Variants in AP3B1 observed in about 807,000 individuals in gnomAD.
AP3B1 encodes adaptor related protein complex 3 subunit beta 1, also known as AP-3 complex subunit beta-1.
Under a neutral mutation model 132.5 loss-of-function variants are expected in AP3B1, and 61 were observed. The ratio of observed to expected loss-of-function variants is 0.46; its 90% CI spans 0.37 to 0.57. The LOEUF (loss-of-function observed/expected upper bound fraction) is 0.57, where lower values mean the gene tolerates loss of function less well. Ranked by LOEUF, AP3B1 falls within the 20% of genes least tolerant of loss-of-function variation. The pLI, the probability that AP3B1 is intolerant of heterozygous loss-of-function variation, is 0.00. For synonymous variants in AP3B1, 388 were observed against 438.3 expected (o/e 0.89, Z 1.43); for missense variants, 1,120 against 1,289.4 (o/e 0.87, Z 2.01).
intron 6 of AP3B1, among the ~76,000 whole-genome samples, chr5:78,221,097 A>G (rs1197321064): frequency 6.6e-6 from 1 of 152,110 alleles, no homozygotes; most frequent in African/African-American, 2.4e-5. Context: ...CTGCTACAAA[A>G]CATATCTCGA....
At chr5:78,028,646 G>A (rs1292361047) in intron 24 of AP3B1, among the ~76,000 whole-genome samples, 1 of 151,962 alleles carries the variant, frequency 6.6e-6, no homozygotes, top group African/African-American at 2.4e-5. Context: ...TAACCTGTAC[G>A]GGCCAGAAGT....
chr5:78,080,925 G>A (rs1749973555), intron 22 of AP3B1, among the ~76,000 whole-genome samples: 1 of 152,154 alleles, frequency 6.6e-6, no homozygotes, highest in African/African-American at 2.4e-5. Context: ...GTCTCTCTTT[G>A]ATACACCTGT....
intron 1 of AP3B1, 24 bp downstream of exon 1, chr5:78,294,428 C>T (rs1481415728): frequency 1.2e-6 from 2 of 1,613,838 alleles, no homozygotes; most frequent in East Asian, 2.2e-5. Flanking sequence ...CTCCCATCCC[C>T]GCAACCCAAA....
At chr5:78,007,898 C>T (rs1480649269) in intron 26 of AP3B1, among the ~76,000 whole-genome samples, 5 of 152,052 alleles carry the variant, frequency 3.3e-5, no homozygotes, top group Admixed American at 3.3e-4. Context: ...TGTATTTTTC[C>T]CAGTTATTTA....
intron 1 of AP3B1, among the ~76,000 whole-genome samples, chr5:78,279,072 C>A (rs1167644563): frequency 1.3e-5 from 2 of 152,030 alleles, no homozygotes; most frequent in African/African-American, 2.4e-5. Context: ...ATGGAAAGAT[C>A]TTTTAAAATA....
At chr5:78,210,155 A>C (rs1352067891) in intron 7 of AP3B1, among the ~76,000 whole-genome samples, 3 of 152,182 alleles carry the variant, frequency 2.0e-5, no homozygotes, top group African/African-American at 7.2e-5. Context: ...TTTTTTAATA[A>C]ATTCCACAGA....
intron 3 of AP3B1, among the ~76,000 whole-genome samples, chr5:78,234,496 A>G (rs1415301444): frequency 6.6e-6 from 1 of 152,244 alleles, no homozygotes; most frequent in Non-Finnish European, 1.5e-5. Flanking sequence ...CTAAGAATAC[A>G]GCAATGGTAG....
intron 7 of AP3B1, among the ~76,000 whole-genome samples, chr5:78,210,861 C>T (rs78655601): frequency 0.015 from 2,241 of 152,070 alleles, 56 homozygotes; most frequent in African/African-American, 0.051. Flanking sequence ...ATTAATTTTA[C>T]AAAAGCAACT....
chr5:78,041,370 C>G (rs981855524), intron 22 of AP3B1, among the ~76,000 whole-genome samples: 6 of 151,610 alleles, frequency 4.0e-5, no homozygotes, highest in African/African-American at 1.5e-4. Flanking sequence ...CCAGCCTGGG[C>G]AACATGGTGA....
chr5:78,284,344 A>G (rs1370283628), intron 1 of AP3B1, among the ~76,000 whole-genome samples: 2 of 152,200 alleles, frequency 1.3e-5, no homozygotes, highest in Non-Finnish European at 2.9e-5. Flanking sequence ...ATTAGTATTC[A>G]TTCTTTTGCA....
chr5:78,120,159 C>A (rs1212870146), intron 17 of AP3B1, among the ~76,000 whole-genome samples: 1 of 152,136 alleles, frequency 6.6e-6, no homozygotes, highest in Admixed American at 6.5e-5. Flanking sequence ...TTTGTCACCA[C>A]CCGGCCTGCC....
intron 22 of AP3B1, among the ~76,000 whole-genome samples, chr5:78,077,347 C>T (rs113888269): frequency 4.8e-4 from 73 of 152,226 alleles, no homozygotes; most frequent in African/African-American, 1.7e-3. Flanking sequence ...AGGTGTGCTG[C>T]GATACTGCCC....
chr5:78,185,599 C>T (rs1295682927), intron 7 of AP3B1, among the ~76,000 whole-genome samples: 1 of 152,174 alleles, frequency 6.6e-6, no homozygotes, highest in Non-Finnish European at 1.5e-5. Flanking sequence ...TATATTCGTG[C>T]TTTGGTAGAA....
intron 22 of AP3B1, among the ~76,000 whole-genome samples, chr5:78,070,409 G>GAAAAAAAAAAAAAA (rs70997966): frequency 7.6e-6 from 1 of 131,374 alleles, no homozygotes; most frequent in Non-Finnish European, 1.6e-5. Context: ...TCCATCTCAA[G>GAAAAAAAAAAAAAA]AAAAAAAAAA....
intron 22 of AP3B1, among the ~76,000 whole-genome samples, chr5:78,057,350 T>C (rs1343050887): frequency 1.3e-5 from 2 of 152,144 alleles, no homozygotes; most frequent in African/African-American, 2.4e-5. Flanking sequence ...CCACACTTAG[T>C]TCCCAGGGAG....
chr5:78,180,550 T>C (rs1426891721), intron 8 of AP3B1, among the ~76,000 whole-genome samples: 6 of 151,960 alleles, frequency 3.9e-5, no homozygotes, highest in African/African-American at 1.4e-4. Context: ...CTTTAAAAGA[T>C]GCAATGCATT....
chr5:78,030,491 G>C (rs1235902111), intron 24 of AP3B1, among the ~76,000 whole-genome samples: 1 of 152,082 alleles, frequency 6.6e-6, no homozygotes, highest in Non-Finnish European at 1.5e-5. Flanking sequence ...TGTGAAATTT[G>C]ATTCCATTCT....
At chr5:78,181,218 T>G (rs973376720) in intron 8 of AP3B1, among the ~76,000 whole-genome samples, 2 of 152,056 alleles carry the variant, frequency 1.3e-5, no homozygotes, top group Admixed American at 1.3e-4. Context: ...CATTAAAACG[T>G]AAATGAAGTC....
chr5:78,122,219 G>A (rs189261948), intron 17 of AP3B1, among the ~76,000 whole-genome samples: 3,022 of 152,242 alleles, frequency 0.02, 107 homozygotes, highest in African/African-American at 0.066. Flanking sequence ...AGCTATCTAT[G>A]ACAAACCCAC....
Sources: gnomAD v4.1 joint callset for allele counts (sites outside exome capture counted in the v4.1 genomes callset) on GRCh38, gnomAD v4.1.1 for gene constraint, MANE v1.5 for transcripts, NCBI Gene and HGNC (gene_info 2026-07-23, HGNC 2026-07-21) for gene names.